TMEM94: variants seen among roughly 807,000 people sequenced by gnomAD.
TMEM94 encodes the protein ER Mg2+ ATPase.
A neutral mutation model predicts 158.6 loss-of-function variants in TMEM94; 81 were observed. That is an observed-to-expected ratio of 0.51 (90% CI 0.43 to 0.61). The LOEUF is 0.61. Among genes scored for constraint, TMEM94 ranks in the 20% least tolerant of loss-of-function variants. The pLI, the probability that TMEM94 is intolerant of heterozygous loss-of-function variation, is 0.00. For synonymous variants in TMEM94, 751 were observed against 730.7 expected, an observed-to-expected ratio of 1.03 and a Z score of -0.45; for missense variants, 1,435 against 1,762.0, an observed-to-expected ratio of 0.81 and a Z score of 3.32.
chr17:75,457,620 T>G (rs2049934748), intron 1 of TMEM94: 1 of 152,168 alleles, frequency 6.6e-6, no homozygotes, highest in South Asian at 2.1e-4. Context: ...GCTATGTGGG[T>G]GTATGCATTG....
chr17:75,457,419 G>C (rs1013879303), intron 1 of TMEM94: 1 of 152,220 alleles, frequency 6.6e-6, no homozygotes, highest in African/African-American at 2.4e-5. Flanking sequence ...AGCATGCCAC[G>C]ATGCGGCCCC....
intron 2 of TMEM94, among the ~76,000 whole-genome samples, chr17:75,479,291 A>C (rs1054139813): frequency 4.0e-5 from 6 of 151,816 alleles, no homozygotes; most frequent in Non-Finnish European, 5.9e-5. Flanking sequence ...GCAAGACCTC[A>C]TGTCTACAAA....
chr17:75,475,967 G>A (rs913822353), intron 2 of TMEM94, among the ~76,000 whole-genome samples: 8 of 152,142 alleles, frequency 5.3e-5, no homozygotes, highest in African/African-American at 1.7e-4. Flanking sequence ...TCTTCTCAGC[G>A]GCCAGTCCAT....
chr17:75,470,844 AG>A lies in TMEM94; in HGVS notation c.-106-954del, dbSNP rs545075199. Among the ~76,000 whole-genome samples the A allele has an allele frequency of 6.8e-3, 1,019 of 150,346 alleles. 9 individuals are homozygous for A. The highest frequency in any genetic ancestry group is 0.023 in the African/African-American group (955 of 40,824). On this transcript the variant is annotated intron_variant, in intron 1 of 31. Coordinates refer to ENST00000314256, the MANE Select transcript of TMEM94 (RefSeq NM_014738.6). ...TGAGACAGGAGAATCACTTGAGCCC[AG>A]GAAGTGGAGGTTGCAGTAAGCAAAG... is the stretch of plus-strand genomic sequence containing the variant.
chr17:75,468,139 T>A lies in TMEM94; in HGVS notation c.-106-3661T>A, dbSNP rs376792675. 9.2e-5 allele frequency among the ~76,000 whole-genome samples: 14 copies of A among 152,304 alleles called. 1 individual carries two copies. The East Asian group carries it at 1.5e-3, about 17-fold the overall frequency. On this transcript the variant is annotated intron_variant, in intron 1 of 31. Transcript: ENST00000314256. ...GGATTTGAACCCGGGGATATTTGGC[T>A]TTGAATCCTGTGCTTTTTTTCACAA... is the stretch of plus-strand genomic sequence containing the variant.
rs906633673 is a variant in TMEM94, at chr17:75,485,731, A to G, written c.145-140A>G. The G allele has an allele frequency of 1.5e-6, 2 of 1,338,260 alleles. No individual in the cohort carries two copies. Among genetic ancestry groups the G allele is most frequent in the African/African-American group, 2.9e-5 (2 of 67,806 alleles). The allele number at this position is 1,338,260 out of a possible 1,614,324, so 82.9% of individuals were successfully genotyped here. A position where few individuals can be genotyped will look rare whatever the true frequency, so the allele number is the denominator to read the frequency against. On this transcript the variant is annotated intron_variant, in intron 3 of 31. Transcript: ENST00000314256. The surrounding 1 kb of genome is among the most constrained non-coding windows in gnomAD (Gnocchi z 5.5). ...GGCTCCTGAGCCTGCTTGCTGCAGG[A>G]GCCCAACAGGCTGGAGCCCAGCCGA... is the stretch of plus-strand genomic sequence containing the variant.
chr17:75,481,087 C>T (rs1052239325), intron 2 of TMEM94, among the ~76,000 whole-genome samples: 1 of 152,222 alleles, frequency 6.6e-6, no homozygotes. Flanking sequence ...ATGGTCTCCT[C>T]TTCCTGTTTC....
At position 75,495,175 on chromosome 17, in the gene TMEM94, A is replaced by G. The variant is rs1165749244; in HGVS notation, c.2729-109A>G. 2 of 1,414,440 alleles carry G rather than the reference A, an allele frequency of 1.4e-6. No individual in the cohort carries two copies. Among genetic ancestry groups the G allele is most frequent in the East Asian group, 2.4e-5 (1 of 42,414 alleles). The allele number at this position is 1,414,440 out of a possible 1,614,324, so 87.6% of individuals were successfully genotyped here. A position where few individuals can be genotyped will look rare whatever the true frequency, so the allele number is the denominator to read the frequency against. ...AATGGCTCTGATGTCCCTGCGGGAA[A>G]CAGTAGTCAGCAGGAAGGAGTGGAC... On this transcript the variant is annotated intron_variant, in intron 20 of 31. Transcript: ENST00000314256. This position sits in a 1 kb window ranked among gnomAD's most constrained non-coding sequence, Gnocchi z 5.6.
Position 75,495,706 on chromosome 17 carries a change from C to A in TMEM94, c.2944+63C>A. On this transcript the variant is annotated intron_variant, in intron 22 of 31. Coordinates refer to ENST00000314256, the MANE Select transcript of TMEM94 (RefSeq NM_014738.6). This position sits in a 1 kb window ranked among gnomAD's most constrained non-coding sequence, Gnocchi z 5.6. ...CCCGTCGGCTGAGCTCTGCCTGGGC[C>A]TGCGTACCCCGTGGGCTCTGGAGGG... 6.7e-7 allele frequency: 1 copy of A among 1,488,730 alleles called. No individual in the cohort carries two copies. The highest frequency in any genetic ancestry group is 9.3e-7 in the Non-Finnish European group (1 of 1,070,940). 92.2% of individuals were successfully genotyped at this position (1,488,730 alleles called of 1,614,324 possible).
intron 2 of TMEM94, among the ~76,000 whole-genome samples, chr17:75,478,860 G>A (rs2050929882): frequency 6.6e-6 from 1 of 152,200 alleles, no homozygotes; most frequent in Admixed American, 6.5e-5. Context: ...GAAGCTCTGA[G>A]AATCTCATGT....
chr17:75,490,895 G>T (rs2052112354), intron 11 of TMEM94, 137 bp downstream of exon 11: 1 of 967,140 alleles, frequency 1.0e-6, no homozygotes, highest in African/African-American at 1.6e-5. Context: ...GACATAACCT[G>T]GACCTGTTCC....
intron 16 of TMEM94, 27 bp from the exon 17 acceptor site, chr17:75,493,464 A>T: frequency 6.2e-7 from 1 of 1,607,644 alleles, no homozygotes; most frequent in Non-Finnish European, 8.5e-7. Flanking sequence ...GGTTAGCGAC[A>T]CTCAGGGTTT....
At chr17:75,490,398 G>A in intron 10 of TMEM94, 48 bp downstream of exon 10, 1 of 1,589,704 alleles carries the variant, frequency 6.3e-7, no homozygotes, top group South Asian at 1.1e-5. Flanking sequence ...ACAAAAAGAG[G>A]GAGCTGGCTG....
intron 1 of TMEM94, among the ~76,000 whole-genome samples, chr17:75,461,866 A>T (rs1479271258): frequency 6.7e-6 from 1 of 150,172 alleles, no homozygotes; most frequent in Non-Finnish European, 1.5e-5. Flanking sequence ...GTGAGTCGAG[A>T]TCGTGCCACT....
At chr17:75,496,896 T>C in intron 25 of TMEM94, 89 bp downstream of exon 25, 1 of 1,413,646 alleles carries the variant, frequency 7.1e-7, no homozygotes, top group South Asian at 1.2e-5. Flanking sequence ...GAGGCTGGGG[T>C]TAGCAGTACA....
chr17:75,464,675 CCTTCTTTCTTTCTTT>C (rs2050236215), intron 1 of TMEM94, among the ~76,000 whole-genome samples: 1 of 84,114 alleles, frequency 1.2e-5, no homozygotes, highest in Non-Finnish European at 3.0e-5. Context: ...TTCCTTCCTT[CCTTCTTTCTTTCTTT>C]CTTTCTTTCT....
intron 24 of TMEM94, 31 bp downstream of exon 24, chr17:75,496,502 A>G (rs1226479781): frequency 1.2e-6 from 2 of 1,603,888 alleles, no homozygotes; most frequent in African/African-American, 2.7e-5. Flanking sequence ...AGGAGGAGAG[A>G]CGCAGGACAG....
chr17:75,465,203 G>T (rs2146114122), intron 1 of TMEM94, among the ~76,000 whole-genome samples: 1 of 152,002 alleles, frequency 6.6e-6, no homozygotes, highest in East Asian at 1.9e-4. Context: ...TGTAAGACAG[G>T]GTCTTGCTAT....
In TMEM94 at chr17:75,485,316, G is replaced by T; in HGVS notation, c.25-112G>T. 8.1e-7 allele frequency: 1 copy of T among 1,239,280 alleles called. No individual in the cohort carries two copies. Among genetic ancestry groups the T allele is most frequent in the Non-Finnish European group, 1.1e-6 (1 of 889,836 alleles). 76.8% of individuals were successfully genotyped at this position (1,239,280 alleles called of 1,614,324 possible). A position where few individuals can be genotyped will look rare whatever the true frequency, so the allele number is the denominator to read the frequency against. The stretch of plus-strand genomic sequence containing the variant: ...GAGCTGGTAGGGGAAGAGATGTGAG[G>T]ATCCCAGAGGAGGGGAAGGATGAAG... On this transcript the variant is annotated intron_variant, in intron 2 of 31. Transcript: ENST00000314256. The surrounding 1 kb of genome is among the most constrained non-coding windows in gnomAD (Gnocchi z 5.5).
Sources: gnomAD v4.1 joint callset for allele counts (sites outside exome capture counted in the v4.1 genomes callset) on GRCh38, gnomAD v4.1.1 for gene constraint, Gnocchi (gnomAD v3.1) non-coding constraint, MANE v1.5 for transcripts, NCBI Gene and HGNC (gene_info 2026-07-23, HGNC 2026-07-21) for gene names.